PRKDC: variants seen among roughly 807,000 people sequenced by gnomAD.
PRKDC encodes DNA-dependent protein kinase catalytic subunit.
A neutral mutation model predicts 486.9 loss-of-function variants in PRKDC; 82 were observed. The observed-to-expected ratio is 0.17, with a 90% CI of 0.14 to 0.20. The LOEUF (loss-of-function observed/expected upper bound fraction) is 0.20, where lower values mean the gene tolerates loss of function less well. Ranked by LOEUF, PRKDC falls within the 10% of genes least tolerant of loss-of-function variation. The pLI is 1.00. For missense variants in PRKDC, 4,504 were observed against 5,038.2 expected (o/e 0.89, Z 3.21); for synonymous variants, 1,895 against 1,837.0 (o/e 1.03, Z -0.81).
chr8:47,817,049 G>C (rs2087462649), intron 68 of PRKDC, among the ~76,000 whole-genome samples: 1 of 152,210 alleles, frequency 6.6e-6, no homozygotes, highest in Non-Finnish European at 1.5e-5. Flanking sequence ...CTGTGTAATG[G>C]AGTTGGGAGG....
At chr8:47,924,610 T>G (rs2090125148) in intron 21 of PRKDC, among the ~76,000 whole-genome samples, 2 of 152,138 alleles carry the variant, frequency 1.3e-5, no homozygotes, top group South Asian at 4.2e-4. Flanking sequence ...TTGGAGGCCA[T>G]GACCTGGGTG....
intron 32 of PRKDC, among the ~76,000 whole-genome samples, chr8:47,889,822 T>C (rs1236619107): frequency 4.6e-5 from 7 of 152,238 alleles, no homozygotes; most frequent in Admixed American, 3.9e-4. Flanking sequence ...ATGACTGTAG[T>C]TAATAACGAT....
At chr8:47,802,492 T>C (rs1589706553) in intron 70 of PRKDC, among the ~76,000 whole-genome samples, 1 of 151,482 alleles carries the variant, frequency 6.6e-6, no homozygotes, top group African/African-American at 2.4e-5. Flanking sequence ...TTTTTTTTTT[T>C]TTTTTGAGAG....
At chr8:47,817,611 C>A in intron 67 of PRKDC, 50 bp from the exon 68 acceptor site, 2 of 1,176,620 alleles carry the variant, frequency 1.7e-6, no homozygotes, top group South Asian at 2.9e-5. Flanking sequence ...ATTATAAGAT[C>A]AAATGACAAA....
In PRKDC at chr8:47,881,933, G is replaced by A; in HGVS notation, c.4941C>T (p.Ala1647=). 6.2e-7 allele frequency: 1 copy of A among 1,612,302 alleles called. No homozygotes were observed. The highest frequency in any genetic ancestry group is 1.1e-5 in the South Asian group (1 of 90,846). ...ATACCTGTAAAATTTTTGCCAGTAA[G>A]GCCAGCACTGCCATTTTAGTTTCGA... The part of the protein sequence containing the change: ...SPLETKMAVL[A]LLAKILQIDS... The change falls in exon 37 of 86, where the codon GCC becomes GCT. Residue 1647 remains alanine, a synonymous_variant. Coordinates refer to ENST00000314191, the MANE Select transcript of PRKDC (RefSeq NM_006904.7).
At chr8:47,839,305 C>A in intron 55 of PRKDC, 59 bp from the exon 56 acceptor site, 1 of 1,173,762 alleles carries the variant, frequency 8.5e-7, no homozygotes, top group South Asian at 1.3e-5. Flanking sequence ...CCCTTTTGTT[C>A]AACTACAGTA....
intron 26 of PRKDC, 114 bp from the exon 27 acceptor site, chr8:47,902,909 A>G: frequency 1.5e-6 from 1 of 688,086 alleles, no homozygotes; most frequent in Non-Finnish European, 2.2e-6. Flanking sequence ...AATTTATAGC[A>G]CTAGTCAAGA....
chr8:47,896,785 C>A (rs1425002150), intron 30 of PRKDC, among the ~76,000 whole-genome samples: 1 of 152,164 alleles, frequency 6.6e-6, no homozygotes, highest in East Asian at 1.9e-4. Flanking sequence ...CTGTCCTGAG[C>A]ACAGCTTCCC....
chr8:47,929,134 T>C lies in PRKDC; in HGVS notation c.2097A>G (p.Glu699=). 1 of 1,578,644 alleles carries C rather than the reference T, an allele frequency of 6.3e-7. No individual in the cohort carries two copies. Among genetic ancestry groups the C allele is most frequent in the Non-Finnish European group, 8.6e-7 (1 of 1,160,374 alleles). ...CAAATAAAGCAAAGCAAGAATACTT[T>C]TCTGGGTCTTCAGGAGAGTGTTTCA... is the stretch of plus-strand genomic sequence containing the variant. ...KSLKHSPEDP[E]KYSCFALFVK... is the part of the protein sequence containing the mutation. The change falls in exon 19 of 86, where the codon GAA becomes GAG. Residue 699 remains glutamate, a synonymous_variant. Coordinates refer to ENST00000314191, the MANE Select transcript of PRKDC (RefSeq NM_006904.7).
chr8:47,955,867 T>C lies in PRKDC; in HGVS notation c.399+7A>G. The C allele has an allele frequency of 6.4e-7, 1 of 1,565,488 alleles. No homozygotes were observed. Among genetic ancestry groups the C allele is most frequent in the Non-Finnish European group, 8.7e-7 (1 of 1,145,162 alleles). Reference sequence around the variant, plus strand: ...TGTAAAATACGTGTACTTAGAAACATAATTACCTTAATAAGAAGGTCCAGG... The same window carrying C: ...TGTAAAATACGTGTACTTAGAAACACAATTACCTTAATAAGAAGGTCCAGG... On this transcript the variant is annotated splice_region_variant and intron_variant, in intron 4 of 85. Coordinates refer to ENST00000314191, the MANE Select transcript of PRKDC (RefSeq NM_006904.7).
chr8:47,893,206 G>C lies in PRKDC; in HGVS notation c.3780C>G (p.Leu1260=). The change falls in exon 31 of 86, where the codon CTC becomes CTG. Residue 1260 remains leucine (L), a synonymous_variant. Coordinates refer to ENST00000314191, the MANE Select transcript of PRKDC (RefSeq NM_006904.7). ...TGTTGTAGCACTCCAACGCGGCCAGGAGCAGGTCCAGCCAGCATAGCGTGG... is the reference window on the plus strand; with the variant it reads ...TGTTGTAGCACTCCAACGCGGCCAGCAGCAGGTCCAGCCAGCATAGCGTGG... ...LQATLCWLDL[L]LAALECYNTF... is the part of the protein sequence containing the mutation. 1 of 1,613,152 alleles carries C rather than the reference G, an allele frequency of 6.2e-7. No individual in the cohort carries two copies. The highest frequency in any genetic ancestry group is 8.5e-7 in the Non-Finnish European group (1 of 1,179,508).
Position 47,806,211 on chromosome 8 carries a change from G to A in PRKDC, c.9747+926C>T, listed in dbSNP as rs192057860. ...CAGTGCTGTTGTCATCATGTGTGCA[G>A]CCCCCACTCTTACTAGACAGTAACA... On this transcript the variant is annotated intron_variant, in intron 69 of 85. Transcript: ENST00000314191. 1.8e-3 allele frequency among the ~76,000 whole-genome samples: 271 copies of A among 152,220 alleles called. 1 individual carries two copies. Among genetic ancestry groups the A allele is most frequent in the Non-Finnish European group, 3.2e-3 (218 of 68,014 alleles).
rs760272282 is a variant in PRKDC, at chr8:47,852,656, T to C, written c.7005+17A>G. ...CAGAGTAAGAGGTATTTATTGAAAA[T>C]TGTGTAGCACACTCACGTTTTTTCT... On this transcript the variant is annotated intron_variant, in intron 52 of 85. Transcript: ENST00000314191. 18 of 1,463,714 alleles carry C rather than the reference T, an allele frequency of 1.2e-5. No homozygotes were observed. Among genetic ancestry groups the C allele is most frequent in the Non-Finnish European group, 1.5e-5 (16 of 1,072,334 alleles). The allele number at this position is 1,463,714 out of a possible 1,614,324, so 90.7% of individuals were successfully genotyped here.
In PRKDC at chr8:47,863,531, T is replaced by C. The variant is rs1441732104; in HGVS notation, c.5618A>G (p.Tyr1873Cys). Residue 1873 changes from tyrosine (Y) to cysteine (C), a missense_variant, in exon 42 of 86, where the codon TAC (tyrosine) becomes TGC (cysteine). Physicochemically the swap from Tyr to Cys is radical, Grantham distance 194. Transcript: ENST00000314191. ...FDTQITKKMG[Y>C]YKILDVMYSR... ...ATACATCACGTCTAGAATCTTATAGTAGCCCATCTTCTTGGTGATTTGAGT... is the reference window on the plus strand; with the variant it reads ...ATACATCACGTCTAGAATCTTATAGCAGCCCATCTTCTTGGTGATTTGAGT... 3.1e-6 allele frequency: 5 copies of C among 1,612,896 alleles called. No homozygotes were observed. Among genetic ancestry groups the C allele is most frequent in the Admixed American group, 1.7e-5 (1 of 59,966 alleles).
chr8:47,935,612 G>T, intron 13 of PRKDC, 120 bp downstream of exon 13: 1 of 1,135,120 alleles, frequency 8.8e-7, no homozygotes, highest in African/African-American at 1.6e-5. Context: ...CCAAAATTTA[G>T]GAGTTCAAAA....
At chr8:47,917,417 G>C (rs2090003985) in intron 22 of PRKDC, among the ~76,000 whole-genome samples, 1 of 152,098 alleles carries the variant, frequency 6.6e-6, no homozygotes, top group Non-Finnish European at 1.5e-5. Flanking sequence ...AATGAGGTGA[G>C]AAGAACTGAC....
Position 47,950,395 on chromosome 8 carries a change from C to A in PRKDC, c.721+3225G>T, listed in dbSNP as rs973497960. 5.9e-5 allele frequency among the ~76,000 whole-genome samples: 9 copies of A among 151,708 alleles called. No individual in the cohort carries two copies. The East Asian group carries it at 1.4e-3, about 23-fold the overall frequency. ...AATCCCAGCACTTTGGGAGGCCGAG[C>A]CGGGCAGATCACGAGGTGAGGAGAA... On this transcript the variant is annotated intron_variant, in intron 7 of 85. Coordinates refer to ENST00000314191, the MANE Select transcript of PRKDC (RefSeq NM_006904.7).
At chr8:47,862,308 G>A (rs2088696273) in intron 43 of PRKDC, 65 bp downstream of exon 43, 6 of 1,496,434 alleles carry the variant, frequency 4.0e-6, no homozygotes, top group Non-Finnish European at 4.6e-6. Flanking sequence ...CTGTAAGTTT[G>A]ACTGATATAA....
At chr8:47,843,406 T>A (rs2088195775) in intron 54 of PRKDC, among the ~76,000 whole-genome samples, 1 of 152,114 alleles carries the variant, frequency 6.6e-6, no homozygotes, top group African/African-American at 2.4e-5. Context: ...AAAAATCCAT[T>A]ATATGTAAAA....
Sources: allele counts gnomAD v4.1 joint callset (sites outside exome capture counted in the v4.1 genomes callset), GRCh38; gene constraint gnomAD v4.1.1; transcripts MANE v1.5; gene names NCBI Gene and HGNC (gene_info 2026-07-23, HGNC 2026-07-21).